DOT1L: variants seen among roughly 807,000 people sequenced by gnomAD.
The protein encoded by DOT1L is DOT1 like histone lysine methyltransferase, also known as histone-lysine N-methyltransferase, H3 lysine-79 specific.
Under a neutral mutation model 153.3 loss-of-function variants are expected in DOT1L, and 33 were observed. The ratio of observed to expected loss-of-function variants is 0.22; its 90% CI spans 0.16 to 0.29. The LOEUF (loss-of-function observed/expected upper bound fraction) is 0.29, where lower values mean the gene tolerates loss of function less well. DOT1L is among the 10% of genes least tolerant of loss of function. DOT1L has a pLI of 1.00. For synonymous variants in DOT1L, 1,135 were observed against 965.1 expected (o/e 1.18, Z -3.26); for missense variants, 1,847 against 2,119.9 (o/e 0.87, Z 2.53).
At chr19:2,211,677 C>A in intron 15 of DOT1L, 74 bp from the exon 16 acceptor site, 2 of 1,350,620 alleles carry the variant, frequency 1.5e-6, no homozygotes, top group Admixed American at 2.1e-5. Flanking sequence ...GACTCGTTCT[C>A]AAGGGCTGCT....
intron 3 of DOT1L, among the ~76,000 whole-genome samples, chr19:2,188,739 G>A (rs1034821676): frequency 6.6e-5 from 10 of 152,302 alleles, no homozygotes; most frequent in East Asian, 3.9e-4. Flanking sequence ...AGGGACAGAC[G>A]CTGTTGTCCA....
chr19:2,213,591 A>G lies in DOT1L; in HGVS notation c.1610A>G (p.Gln537Arg), dbSNP rs746349228. 1 of 1,613,618 alleles carries G rather than the reference A, an allele frequency of 6.2e-7. No homozygotes were observed. Among genetic ancestry groups the G allele is most frequent in the South Asian group, 1.1e-5 (1 of 91,074 alleles). ...GAAQQLLSHC[Q>R]AQKEEIRRLF... is the part of the protein sequence containing the mutation. Reference sequence around the variant, plus strand: ...GCTCAGCAGCTCCTCAGCCACTGCCAGGCCCAGAAGGAGGAGATCAGGAGG... The same window carrying G: ...GCTCAGCAGCTCCTCAGCCACTGCCGGGCCCAGAAGGAGGAGATCAGGAGG... Residue 537 changes from glutamine to arginine, a missense_variant, in exon 17 of 28, where the codon CAG becomes CGG. Physicochemically the swap from Gln to Arg is conservative, Grantham distance 43. Around this residue, in one of 8 missense-constraint regions of DOT1L, gnomAD observed 156 missense variants for 235.7 expected, o/e 0.66. Coordinates refer to ENST00000398665, the MANE Select transcript of DOT1L (RefSeq NM_032482.3).
chr19:2,208,902 C>A lies in DOT1L; in HGVS notation c.964-33C>A, dbSNP rs774871066. On this transcript the variant is annotated intron_variant, in intron 11 of 27. Coordinates refer to ENST00000398665, the MANE Select transcript of DOT1L (RefSeq NM_032482.3). This position sits in a 1 kb window ranked among gnomAD's most constrained non-coding sequence, Gnocchi z 4.4. Reference sequence around the variant, plus strand: ...CAAATCCGAACAGAGATTGGGACTCCCTTCTAATCAGGGTTCTCTTTCTTC... The same window carrying A: ...CAAATCCGAACAGAGATTGGGACTCACTTCTAATCAGGGTTCTCTTTCTTC... The A allele has an allele frequency of 4.4e-6, 7 of 1,606,458 alleles. No homozygotes were observed. In the East Asian group the frequency reaches 1.3e-4, roughly 31 times the overall value.
intron 8 of DOT1L, among the ~76,000 whole-genome samples, chr19:2,200,659 C>T (rs981225418): frequency 3.3e-5 from 5 of 152,160 alleles, no homozygotes; most frequent in African/African-American, 1.2e-4. Context: ...CCCTGCTCCC[C>T]TCATCCTCCC....
Position 2,207,478 on chromosome 19 carries a change from A to G in DOT1L, c.857-96A>G. On this transcript the variant is annotated intron_variant, in intron 10 of 27. Coordinates refer to ENST00000398665, the MANE Select transcript of DOT1L (RefSeq NM_032482.3). This position sits in a 1 kb window ranked among gnomAD's most constrained non-coding sequence, Gnocchi z 4.5. ...GGAGAAGAGGGAAGACGCGCAGCTC[A>G]GGCTTCTGTCCCCACGCCTGCCCTG... 1 of 1,032,206 alleles carries G rather than the reference A, an allele frequency of 9.7e-7. No individual in the cohort carries two copies. The highest frequency in any genetic ancestry group is 1.4e-6 in the Non-Finnish European group (1 of 704,994). The allele number at this position is 1,032,206 out of a possible 1,614,324, so 63.9% of individuals were successfully genotyped here.
chr19:2,220,232 C>T lies in DOT1L; in HGVS notation c.2806+10C>T. ...GCCCTGGCCCCCGCAGGTAACGCCC[C>T]TCCTGTGCCCTACCCTCAGGACTCT... On this transcript the variant is annotated intron_variant, in intron 23 of 27. Coordinates refer to ENST00000398665, the MANE Select transcript of DOT1L (RefSeq NM_032482.3). This position sits in a 1 kb window ranked among gnomAD's most constrained non-coding sequence, Gnocchi z 4.5. The T allele has an allele frequency of 1.2e-6, 2 of 1,608,636 alleles. No homozygotes were observed. Among genetic ancestry groups the T allele is most frequent in the Non-Finnish European group, 1.7e-6 (2 of 1,177,364 alleles).
At chr19:2,214,382 G>C in intron 18 of DOT1L, 89 bp from the exon 19 acceptor site, 2 of 1,550,324 alleles carry the variant, frequency 1.3e-6, no homozygotes, top group Admixed American at 1.9e-5. Context: ...TGTTGGCTGA[G>C]GCAGGCCCAG....
At chr19:2,227,151 GCC>G (rs775080786) in intron 27 of DOT1L, 24 bp downstream of exon 27, 1 of 1,553,286 alleles carries the variant, frequency 6.4e-7, no homozygotes, top group South Asian at 1.2e-5. Flanking sequence ...CCGTCCGTCC[GCC>G]CCCCGCCCCG....
intron 5 of DOT1L, among the ~76,000 whole-genome samples, chr19:2,192,549 T>C (rs1025001722): frequency 1.3e-5 from 2 of 151,828 alleles, no homozygotes; most frequent in African/African-American, 4.8e-5. Context: ...GGCGCGCGCC[T>C]GTAATCCCAG....
At chr19:2,185,833 C>G in intron 2 of DOT1L, 22 bp from the exon 3 acceptor site, 1 of 1,612,654 alleles carries the variant, frequency 6.2e-7, no homozygotes, top group South Asian at 1.1e-5. Context: ...CCTTCCTGAT[C>G]GTTTCTGCTG....
chr19:2,227,714 G>A, intron 27 of DOT1L: 1 of 1,304,734 alleles, frequency 7.7e-7, no homozygotes, highest in Non-Finnish European at 1.0e-6. Flanking sequence ...TGTTGAAGCT[G>A]CGTTTTTCTC....
Position 2,230,215 on chromosome 19 carries a change from C to G in DOT1L, c.*423C>G. 1 of 419,058 alleles carries G rather than the reference C, an allele frequency of 2.4e-6. No individual in the cohort carries two copies. The highest frequency in any genetic ancestry group is 3.5e-5 in the East Asian group (1 of 28,338). The allele number at this position is 419,058 out of a possible 1,614,324, so 26.0% of individuals were successfully genotyped here. On this transcript the variant is annotated 3_prime_UTR_variant, in exon 28 of 28. Coordinates refer to ENST00000398665, the MANE Select transcript of DOT1L (RefSeq NM_032482.3). ...CTCCACCCGCTTGGTGCTGACTAGA[C>G]GCTGACAACGCCGAACCCCGTTCTC...
intron 10 of DOT1L, 48 bp downstream of exon 10, chr19:2,206,845 A>G (rs980282701): frequency 1.1e-5 from 17 of 1,564,452 alleles, no homozygotes; most frequent in African/African-American, 2.7e-5. Flanking sequence ...AATTTTAACC[A>G]TCTGACACGC....
Position 2,213,550 on chromosome 19 carries a change from C to T in DOT1L, c.1569C>T (p.Ala523=), listed in dbSNP as rs371525670. The stretch of plus-strand genomic sequence containing the variant: ...TGTTTGTCCTACAGGAGAAGAACGC[C>T]CAGCTCCTGGGTGCGGCTCAGCAGC... The part of the protein sequence containing the change: ...ELLGQEKEKN[A]QLLGAAQQLL... The change falls in exon 17 of 28, where the codon GCC becomes GCT. Residue 523 remains alanine (A), a synonymous_variant. Transcript: ENST00000398665. 62 of 1,612,774 alleles carry T rather than the reference C, an allele frequency of 3.8e-5. No homozygotes were observed. The highest frequency in any genetic ancestry group is 5.1e-5 in the Non-Finnish European group (60 of 1,179,948).
intron 22 of DOT1L, among the ~76,000 whole-genome samples, chr19:2,219,653 T>C (rs558796944): frequency 2.6e-4 from 40 of 152,382 alleles, no homozygotes; most frequent in African/African-American, 8.9e-4. Context: ...GCGGTCACTC[T>C]ACTGACCTTT....
chr19:2,216,909 G>C (rs900819262), intron 20 of DOT1L, 46 bp from the exon 21 acceptor site: 27 of 1,582,634 alleles, frequency 1.7e-5, no homozygotes, highest in Non-Finnish European at 2.0e-5. Flanking sequence ...CTGCCTCTGA[G>C]TGCCAGCCCA....
Position 2,223,253 on chromosome 19 carries a change from T to C in DOT1L, c.3391-28T>C, listed in dbSNP as rs754993334. 4 of 1,611,468 alleles carry C rather than the reference T, an allele frequency of 2.5e-6. No individual in the cohort carries two copies. In the African/African-American group the frequency reaches 4.0e-5, roughly 16 times the overall value. ...CTTGGGGTCCCGGGTCTGTGGTATG[T>C]GCATCCATTGTGTCTGTCTGCCCTC... On this transcript the variant is annotated intron_variant, in intron 24 of 27. Coordinates refer to ENST00000398665, the MANE Select transcript of DOT1L (RefSeq NM_032482.3).
At position 2,226,656 on chromosome 19, in the gene DOT1L, C is replaced by A. The variant is rs113164803; in HGVS notation, c.4135C>A (p.Leu1379Met). The change falls in exon 27 of 28, where the codon CTG becomes ATG. Residue 1379 changes from leucine (L) to methionine (M), a missense_variant. Transcript: ENST00000398665. ...GAGGCAGCTGGACGGCCTGGCTGGG[C>A]TGAAGGGCGAGGGCAGCCGCGGCAA... ...SKRQLDGLAG[L>M]KGEGSRGKEA... 0.014 allele frequency: 22,852 copies of A among 1,582,864 alleles called. 222 individuals are homozygous for A. The highest frequency in any genetic ancestry group is 0.024 in the Middle Eastern group (143 of 6,024).
Position 2,232,307 on chromosome 19 carries a change from C to T in DOT1L, c.*2515C>T, listed in dbSNP as rs1042922. On this transcript the variant is annotated 3_prime_UTR_variant, in exon 28 of 28. Transcript: ENST00000398665. The stretch of plus-strand genomic sequence containing the variant: ...CCTTAATTTATCTGCCCCCAGGATG[C>T]GTCAGTCTGTTCAGTGGTCAGCAGG... The T allele has an allele frequency of 9.7e-5, 21 of 215,482 alleles. No homozygotes were observed. Among genetic ancestry groups the T allele is most frequent in the African/African-American group, 2.9e-4 (13 of 44,150 alleles). 13.3% of individuals were successfully genotyped at this position (215,482 alleles called of 1,614,324 possible).
Sources: allele counts gnomAD v4.1 joint callset (sites outside exome capture counted in the v4.1 genomes callset), GRCh38; gene constraint gnomAD v4.1.1; regional missense constraint gnomAD v4.1.1; non-coding constraint Gnocchi (gnomAD v3.1); transcripts MANE v1.5; gene names NCBI Gene and HGNC (gene_info 2026-07-23, HGNC 2026-07-21).